ZNF695: variants seen among roughly 807,000 people sequenced by gnomAD.
ZNF695 encodes zinc finger protein 695.
In ZNF695, 11 loss-of-function variants were observed where a neutral mutation model predicts 11.2. The observed-to-expected ratio is 0.98, with a 90% CI of 0.62 to 1.62. The LOEUF (loss-of-function observed/expected upper bound fraction) is 1.62, where lower values mean the gene tolerates loss of function less well. Among genes scored for constraint, ZNF695 ranks in the 40% most tolerant of loss-of-function variants. The probability of loss-of-function intolerance (pLI) is 0.00; values close to 1 mark genes in which losing one functional copy is unlikely to be tolerated. For missense variants in ZNF695, 559 were observed against 590.5 expected, an observed-to-expected ratio of 0.95 and a Z score of 0.55; for synonymous variants, 190 against 201.4, an observed-to-expected ratio of 0.94 and a Z score of 0.48.
At chr1:246,988,822 G>A (rs796780412) in intron 3 of ZNF695, among the ~76,000 whole-genome samples, 1 of 152,144 alleles carries the variant, frequency 6.6e-6, no homozygotes, top group South Asian at 2.1e-4. Flanking sequence ...CGGGCGCGGT[G>A]GCTCACGCCT....
intron 1 of ZNF695, among the ~76,000 whole-genome samples, chr1:247,001,712 C>CAAA (rs56131097): frequency 1.0e-4 from 8 of 79,226 alleles, no homozygotes; most frequent in African/African-American, 2.9e-4. Context: ...GACTTCGTCT[C>CAAA]AAAAAAAAAA....
At chr1:246,949,527 G>C (rs998740604) in intron 5 of ZNF695, among the ~76,000 whole-genome samples, 9 of 151,020 alleles carry the variant, frequency 6.0e-5, no homozygotes, top group Admixed American at 6.6e-5. Flanking sequence ...GGAGGTGGAG[G>C]TTGCAGTGAG....
chr1:246,989,083 G>C (rs1362490678), intron 3 of ZNF695, among the ~76,000 whole-genome samples: 1 of 134,826 alleles, frequency 7.4e-6, no homozygotes, highest in Non-Finnish European at 1.5e-5. Context: ...AACAGAGCGA[G>C]ACTCCGTCTC....
At chr1:246,981,390 A>G (rs914069256), downstream of ZNF695, among the ~76,000 whole-genome samples, 1 of 152,260 alleles carries the variant, frequency 6.6e-6, no homozygotes, top group Admixed American at 6.5e-5. Context: ...ATATATCCAC[A>G]AAAATAAAAT....
intron 5 of ZNF695, among the ~76,000 whole-genome samples, chr1:246,961,400 C>T (rs1443565153): frequency 6.6e-6 from 1 of 152,224 alleles, no homozygotes; most frequent in Non-Finnish European, 1.5e-5. Flanking sequence ...AATCTTCTGC[C>T]TCCCACAGTG....
chr1:246,954,823 A>G (rs1445638588), intron 5 of ZNF695, among the ~76,000 whole-genome samples: 1 of 152,180 alleles, frequency 6.6e-6, no homozygotes, highest in Non-Finnish European at 1.5e-5. Context: ...TAAAAATTTA[A>G]TACAGTCATA....
At chr1:246,975,517 C>T (rs1443144172) in intron 4 of ZNF695, among the ~76,000 whole-genome samples, 2 of 152,198 alleles carry the variant, frequency 1.3e-5, no homozygotes, top group African/African-American at 2.4e-5. Context: ...AATTACAATG[C>T]ACTGAAGTTT....
intron 2 of ZNF695, 94 bp from the exon 3 acceptor site, chr1:246,999,534 T>A (rs575494662): frequency 1.0e-6 from 1 of 954,442 alleles, no homozygotes; most frequent in Admixed American, 2.6e-5. Context: ...TCACATTAGA[T>A]CCTAGAAAAT....
At chr1:246,976,588 AT>A (rs1377847800) in intron 4 of ZNF695, among the ~76,000 whole-genome samples, 1 of 151,576 alleles carries the variant, frequency 6.6e-6, no homozygotes, top group Non-Finnish European at 1.5e-5. Context: ...AGGTGAGGAG[AT>A]CGAGACCATC....
In ZNF695 at chr1:246,976,549, C is replaced by G. The variant is rs182019504; in HGVS notation, c.391-8757G>C. On this transcript the variant is annotated intron_variant, in intron 4 of 5. Transcript: ENST00000487338. ...GTGGCTCACACCTGTAATCCCAGCA[C>G]TTTGGGAGGCCAAGGCGGGCAGATC... is the stretch of plus-strand genomic sequence containing the variant. Among the ~76,000 whole-genome samples, 1,434 of 152,042 alleles carry G rather than the reference C, an allele frequency of 9.4e-3. 27 individuals carry two copies. Among genetic ancestry groups the G allele is most frequent in the African/African-American group, 0.032 (1,331 of 41,430 alleles).
chr1:246,999,269 C>T, intron 3 of ZNF695, 79 bp downstream of exon 3: 6 of 1,242,708 alleles, frequency 4.8e-6, no homozygotes, highest in Non-Finnish European at 7.1e-6. Flanking sequence ...GTAGAGCTTC[C>T]CAAACCACAG....
In ZNF695 at chr1:246,986,177, T is replaced by A. The variant is rs1375850102; in HGVS notation, c.*790A>T. ...CTCAACCTCCAGGCTCAAGCAATCCTCCCACCTGAGCCTTCCAAGTAGCTG... is the reference window on the plus strand; with the variant it reads ...CTCAACCTCCAGGCTCAAGCAATCCACCCACCTGAGCCTTCCAAGTAGCTG... On this transcript the variant is annotated 3_prime_UTR_variant, in exon 4 of 4. Transcript: ENST00000339986. 2 of 540,536 alleles carry A rather than the reference T, an allele frequency of 3.7e-6. No homozygotes were observed. The highest frequency in any genetic ancestry group is 2.4e-6 in the Non-Finnish European group (1 of 423,842). The allele number at this position is 540,536 out of a possible 1,614,324, so 33.5% of individuals were successfully genotyped here.
chr1:246,989,080 C>A (rs1014366352), intron 3 of ZNF695, among the ~76,000 whole-genome samples: 1 of 133,984 alleles, frequency 7.5e-6, no homozygotes, highest in Admixed American at 7.6e-5. Flanking sequence ...GGCAACAGAG[C>A]GAGACTCCGT....
At chr1:246,978,099 C>A (rs1372407382) in intron 4 of ZNF695, among the ~76,000 whole-genome samples, 1 of 152,222 alleles carries the variant, frequency 6.6e-6, no homozygotes, top group East Asian at 1.9e-4. Context: ...AGAAACATTT[C>A]TCTGTAGCAG....
intron 5 of ZNF695, among the ~76,000 whole-genome samples, chr1:246,962,193 G>A (rs1208268147): frequency 2.6e-5 from 4 of 152,226 alleles, no homozygotes; most frequent in Non-Finnish European, 5.9e-5. Flanking sequence ...TGACTAGTGG[G>A]GCTCAGGTCA....
chr1:246,978,641 A>G (rs997101702), intron 4 of ZNF695, among the ~76,000 whole-genome samples: 1 of 152,188 alleles, frequency 6.6e-6, no homozygotes, highest in Non-Finnish European at 1.5e-5. Flanking sequence ...AAGTTACCAC[A>G]TGTGTATGGC....
At chr1:247,003,775 T>C (rs7513728) in intron 1 of ZNF695, among the ~76,000 whole-genome samples, 90,314 of 152,164 alleles carry the variant, frequency 0.59, 28,358 homozygotes, top group East Asian at 0.97. Flanking sequence ...TCATCTTACA[T>C]ACTTTGGGCT....
intron 3 of ZNF695, among the ~76,000 whole-genome samples, chr1:246,991,118 A>G (rs976778788): frequency 6.6e-6 from 1 of 152,196 alleles, no homozygotes; most frequent in Non-Finnish European, 1.5e-5. Flanking sequence ...GCAGAAATAA[A>G]TGAAATTAAA....
At chr1:247,006,747 C>CTGGG (rs1433819902) in intron 1 of ZNF695, among the ~76,000 whole-genome samples, 6 of 152,186 alleles carry the variant, frequency 3.9e-5, no homozygotes, top group Non-Finnish European at 8.8e-5. Context: ...AACAGTTAGG[C>CTGGG]TGGGGGAACA....
Sources: allele counts gnomAD v4.1 joint callset (sites outside exome capture counted in the v4.1 genomes callset), GRCh38; gene constraint gnomAD v4.1.1; transcripts MANE v1.5; gene names NCBI Gene and HGNC (gene_info 2026-07-23, HGNC 2026-07-21).